TESK2: variants seen among roughly 807,000 people sequenced by gnomAD.
The protein encoded by TESK2 is dual specificity testis-specific protein kinase 2.
In TESK2, 39 loss-of-function variants were observed where a neutral mutation model predicts 57.1. That is an observed-to-expected ratio of 0.68 (90% CI 0.53 to 0.89). The LOEUF (loss-of-function observed/expected upper bound fraction) is 0.89. Among genes scored for constraint, TESK2 ranks in the 40% least tolerant of loss-of-function variants. The pLI, the probability that TESK2 is intolerant of heterozygous loss-of-function variation, is 0.00. For missense variants in TESK2, 646 were observed against 732.1 expected, an observed-to-expected ratio of 0.88 and a Z score of 1.36; for synonymous variants, 249 against 267.9, an observed-to-expected ratio of 0.93 and a Z score of 0.69.
chr1:45,468,175 C>CA (rs34081885), intron 1 of TESK2, among the ~76,000 whole-genome samples: 3,989 of 113,988 alleles, frequency 0.035, 57 homozygotes, highest in Non-Finnish European at 0.049. Context: ...ACGTCTGTCT[C>CA]AAAAAAAAAA....
At chr1:45,386,221 T>A (rs1013234465) in intron 3 of TESK2, among the ~76,000 whole-genome samples, 5 of 151,670 alleles carry the variant, frequency 3.3e-5, no homozygotes, top group Admixed American at 3.3e-4. Context: ...GGCATGCGCC[T>A]GTAGTCCGAG....
intron 4 of TESK2, among the ~76,000 whole-genome samples, chr1:45,372,320 G>C (rs1164009119): frequency 6.6e-6 from 1 of 151,778 alleles, no homozygotes; most frequent in Non-Finnish European, 1.5e-5. Flanking sequence ...GCTCAAGCCT[G>C]TAATCCCAGC....
At chr1:45,488,979 G>A (rs1253122201) in intron 1 of TESK2, among the ~76,000 whole-genome samples, 2 of 151,890 alleles carry the variant, frequency 1.3e-5, no homozygotes, top group African/African-American at 2.4e-5. Context: ...CCTGGGCAAC[G>A]CAGAGAAATC....
intron 1 of TESK2, 27 bp downstream of exon 1, chr1:45,490,825 G>C (rs951429995): frequency 4.6e-5 from 7 of 152,756 alleles, no homozygotes; most frequent in African/African-American, 1.7e-4. Flanking sequence ...GCCCGGGTTT[G>C]TGACCCCCGT....
chr1:45,378,003 G>A (rs1648507557), intron 4 of TESK2, among the ~76,000 whole-genome samples: 2 of 152,002 alleles, frequency 1.3e-5, no homozygotes, highest in South Asian at 4.2e-4. Flanking sequence ...TCCAGCCTGG[G>A]TGACAGAGCA....
At chr1:45,467,195 A>G (rs1464110526) in intron 1 of TESK2, among the ~76,000 whole-genome samples, 1 of 152,190 alleles carries the variant, frequency 6.6e-6, no homozygotes. Context: ...CCTTCTATTG[A>G]AAAACAAACC....
At chr1:45,421,990 C>A in intron 2 of TESK2, 144 bp from the exon 3 acceptor site, 1 of 846,096 alleles carries the variant, frequency 1.2e-6, no homozygotes. Context: ...GTATCACTTC[C>A]ATGAATGAAG....
intron 2 of TESK2, among the ~76,000 whole-genome samples, chr1:45,429,124 A>G (rs1650842008): frequency 1.3e-5 from 2 of 152,186 alleles, no homozygotes; most frequent in Non-Finnish European, 2.9e-5. Flanking sequence ...CCCGGCCCCT[A>G]AATATTATGA....
chr1:45,403,505 G>A (rs1649716782), intron 3 of TESK2, among the ~76,000 whole-genome samples: 1 of 152,172 alleles, frequency 6.6e-6, no homozygotes, highest in Non-Finnish European at 1.5e-5. Context: ...ACTAAGCAGA[G>A]CTGGTTCAGT....
At chr1:45,386,136 G>A (rs901912896) in intron 3 of TESK2, among the ~76,000 whole-genome samples, 176 bp from the exon 4 acceptor site, 1 of 152,028 alleles carries the variant, frequency 6.6e-6, no homozygotes, top group African/African-American at 2.4e-5. Flanking sequence ...CCTGAGGTCA[G>A]GAGTTCAAGA....
intron 2 of TESK2, among the ~76,000 whole-genome samples, chr1:45,448,237 C>CAAAAAAAAAAAAAA (rs762537140): frequency 4.7e-5 from 4 of 84,242 alleles, no homozygotes; most frequent in Admixed American, 1.5e-4. Context: ...GACCCTGTCT[C>CAAAAAAAAAAAAAA]AAAAAAAAAA....
At chr1:45,381,375 G>A (rs771387099) in intron 4 of TESK2, among the ~76,000 whole-genome samples, 3 of 152,192 alleles carry the variant, frequency 2.0e-5, no homozygotes, top group Non-Finnish European at 2.9e-5. Context: ...CTGGACTCAA[G>A]CATGTGACTT....
chr1:45,400,458 G>A (rs1045002802), intron 3 of TESK2, among the ~76,000 whole-genome samples: 3 of 152,078 alleles, frequency 2.0e-5, no homozygotes, highest in South Asian at 2.1e-4. Flanking sequence ...GTGGTAATTC[G>A]TTATGATAGC....
chr1:45,396,326 C>T (rs1649354983), intron 3 of TESK2, among the ~76,000 whole-genome samples: 2 of 151,646 alleles, frequency 1.3e-5, no homozygotes, highest in South Asian at 2.1e-4. Flanking sequence ...GAACTCCTGA[C>T]CTCAAGTGAT....
chr1:45,438,968 T>G (rs1245818304), intron 2 of TESK2, among the ~76,000 whole-genome samples: 2 of 152,102 alleles, frequency 1.3e-5, no homozygotes, highest in East Asian at 3.8e-4. Context: ...AAGTTACTGT[T>G]TGGAAAGTTA....
chr1:45,444,241 G>C (rs912328918), intron 2 of TESK2, among the ~76,000 whole-genome samples: 1 of 150,648 alleles, frequency 6.6e-6, no homozygotes, highest in Admixed American at 6.6e-5. Flanking sequence ...GATGAGTACA[G>C]ATGTGTTCCA....
chr1:45,421,287 G>T (rs1028585432), intron 3 of TESK2, among the ~76,000 whole-genome samples: 1 of 152,058 alleles, frequency 6.6e-6, no homozygotes, highest in African/African-American at 2.4e-5. Context: ...GGCAAAATGT[G>T]TCTCCTCAAG....
Position 45,422,563 on chromosome 1 carries a change from C to A in TESK2, c.223-717G>T, listed in dbSNP as rs376192173. 2.6e-5 allele frequency among the ~76,000 whole-genome samples: 4 copies of A among 152,104 alleles called. No individual in the cohort carries two copies. In the East Asian group the frequency reaches 7.7e-4, roughly 29 times the overall value. On this transcript the variant is annotated intron_variant, in intron 2 of 10. Transcript: ENST00000372086. The stretch of plus-strand genomic sequence containing the variant: ...GGTTCAAGTGATTCTCCTGCCTCAG[C>A]CTCCTGAGTAGCTGGGATTACAGGC...
At chr1:45,443,421 A>T (rs1651522011) in intron 2 of TESK2, among the ~76,000 whole-genome samples, 1 of 107,248 alleles carries the variant, frequency 9.3e-6, no homozygotes, top group Non-Finnish European at 2.0e-5. Context: ...CAAAAAAAAA[A>T]TTAGCCGAAC....
Sources: allele counts gnomAD v4.1 joint callset (sites outside exome capture counted in the v4.1 genomes callset), GRCh38; gene constraint gnomAD v4.1.1; transcripts MANE v1.5; gene names NCBI Gene and HGNC (gene_info 2026-07-23, HGNC 2026-07-21).